DIP2C: variants seen among roughly 807,000 people sequenced by gnomAD.
DIP2C encodes disco-interacting protein 2 homolog C.
In DIP2C, 33 loss-of-function variants were observed where a neutral mutation model predicts 192.4. That is an observed-to-expected ratio of 0.17 (90% CI 0.13 to 0.23). The LOEUF is 0.23. Among genes scored for constraint, DIP2C ranks in the 10% least tolerant of loss-of-function variants. The pLI is 1.00. For missense variants in DIP2C, 1,537 were observed against 2,110.1 expected, an observed-to-expected ratio of 0.73 and a Z score of 5.32; for synonymous variants, 979 against 864.1, an observed-to-expected ratio of 1.13 and a Z score of -2.33.
chr10:652,319 G>A lies in DIP2C; in HGVS notation c.85+37175C>T, dbSNP rs1275052461. 4 of 209,198 alleles carry A rather than the reference G, an allele frequency of 1.9e-5. No homozygotes were observed. The highest frequency in any genetic ancestry group is 5.9e-5 in the South Asian group (1 of 16,974). 13.0% of individuals were successfully genotyped at this position (209,198 alleles called of 1,614,324 possible). On this transcript the variant is annotated intron_variant, in intron 1 of 36. Coordinates refer to ENST00000280886, the MANE Select transcript of DIP2C (RefSeq NM_014974.3). This position sits in a 1 kb window ranked among gnomAD's most constrained non-coding sequence, Gnocchi z 4.5. ...ATCTTCCTCGGCATCTTCCTCCATC[G>A]ACAGCAGCCTGGGCTCACCTCCCAG...
At position 369,609 on chromosome 10, in the gene DIP2C, G is replaced by A; in HGVS notation, c.2016C>T (p.Pro672=). The A allele has an allele frequency of 1.2e-6, 2 of 1,614,018 alleles. No individual in the cohort carries two copies. Among genetic ancestry groups the A allele is most frequent in the African/African-American group, 1.3e-5 (1 of 75,058 alleles). The part of the protein sequence containing the change: ...IRRPTDDSNQ[P]PGRGVLSMHG... The stretch of plus-strand genomic sequence containing the variant: ...GCATGGAGAGGACACCCCGGCCCGG[G>A]GGCTGGTTACTGTCATCCGTGGGCC... Residue 672 remains proline (P), a synonymous_variant, in exon 18 of 37, where the codon CCC becomes CCT. Transcript: ENST00000280886.
chr10:324,898 C>A (rs755803807), intron 31 of DIP2C: 3 of 529,688 alleles, frequency 5.7e-6, no homozygotes, highest in Non-Finnish European at 1.2e-5. Context: ...TTTCTTTCAT[C>A]TCCATGTTTT....
chr10:403,803 T>C (rs1280113507), intron 9 of DIP2C, among the ~76,000 whole-genome samples: 1 of 145,434 alleles, frequency 6.9e-6, no homozygotes, highest in Non-Finnish European at 1.5e-5. Context: ...CTCTTCCTTA[T>C]GGACAAGTTT....
At chr10:478,971 C>CA (rs1040637228) in intron 2 of DIP2C, among the ~76,000 whole-genome samples, 3 of 152,230 alleles carry the variant, frequency 2.0e-5, no homozygotes, top group African/African-American at 4.8e-5. Flanking sequence ...CACCCAGGGG[C>CA]AAGCGCTCTG....
At chr10:511,795 G>A (rs1846029984) in intron 1 of DIP2C, among the ~76,000 whole-genome samples, 1 of 152,218 alleles carries the variant, frequency 6.6e-6, no homozygotes, top group Non-Finnish European at 1.5e-5. Context: ...TAAAAATCCT[G>A]AAATGCAATA....
chr10:352,654 A>G (rs564853364), intron 24 of DIP2C, among the ~76,000 whole-genome samples: 17 of 152,268 alleles, frequency 1.1e-4, no homozygotes, highest in African/African-American at 3.9e-4. Flanking sequence ...TCTTGCCTGG[A>G]AAGGACGAGG....
At chr10:589,022 C>T (rs1288136680) in intron 1 of DIP2C, among the ~76,000 whole-genome samples, 3 of 152,158 alleles carry the variant, frequency 2.0e-5, no homozygotes, top group Non-Finnish European at 2.9e-5. Context: ...TTCCATCAGC[C>T]GCTCCAGCAG....
chr10:387,228 G>A (rs984205333), intron 14 of DIP2C, among the ~76,000 whole-genome samples: 4 of 152,156 alleles, frequency 2.6e-5, no homozygotes, highest in African/African-American at 4.8e-5. Flanking sequence ...GGCTGTTTTC[G>A]GCAGCTGTAA....
At chr10:326,580 C>T (rs931458173) in intron 31 of DIP2C, among the ~76,000 whole-genome samples, 5 of 152,224 alleles carry the variant, frequency 3.3e-5, no homozygotes, top group Non-Finnish European at 7.3e-5. Flanking sequence ...TGCGGCTTTG[C>T]GGTTTCTAAA....
intron 1 of DIP2C, among the ~76,000 whole-genome samples, chr10:519,462 A>G (rs1340269597): frequency 6.6e-6 from 1 of 152,186 alleles, no homozygotes; most frequent in South Asian, 2.1e-4. Flanking sequence ...GTGGTATTGG[A>G]TATGGCAATA....
At chr10:571,667 C>G (rs1187827424) in intron 1 of DIP2C, among the ~76,000 whole-genome samples, 2 of 152,182 alleles carry the variant, frequency 1.3e-5, no homozygotes, top group Admixed American at 1.3e-4. Context: ...TGAACAGAAA[C>G]GTGTTTTGGA....
At chr10:318,345 A>G (rs1232881054) in intron 31 of DIP2C, among the ~76,000 whole-genome samples, 6 of 152,164 alleles carry the variant, frequency 3.9e-5, no homozygotes, top group African/African-American at 1.4e-4. Context: ...TCAACCAGTC[A>G]CATCCATTTA....
rs567482301 is a variant in DIP2C, at chr10:523,820, T to G, written c.86-37290A>C. On this transcript the variant is annotated intron_variant, in intron 1 of 36. Transcript: ENST00000280886. ...TGGAGCGAGGATGCAGGGACTGCTC[T>G]GAGTTACCAGCACACTTGTCGCTTT... 2.0e-5 allele frequency among the ~76,000 whole-genome samples: 3 copies of G among 152,332 alleles called. No homozygotes were observed. The South Asian group carries it at 6.2e-4, about 32-fold the overall frequency.
At chr10:344,414 A>T (rs1958318224) in intron 28 of DIP2C, among the ~76,000 whole-genome samples, 1 of 151,680 alleles carries the variant, frequency 6.6e-6, no homozygotes, top group Non-Finnish European at 1.5e-5. Context: ...GGGGGTTTGC[A>T]CGGCACCTCG....
intron 31 of DIP2C, among the ~76,000 whole-genome samples, chr10:311,797 A>G (rs1296946948): frequency 6.6e-6 from 1 of 152,196 alleles, no homozygotes. Flanking sequence ...GCTAAAAGAA[A>G]TGTTTTAAAG....
chr10:607,368 T>C (rs533155287), intron 1 of DIP2C, among the ~76,000 whole-genome samples: 14 of 152,316 alleles, frequency 9.2e-5, no homozygotes, highest in Middle Eastern at 3.4e-3. Context: ...CAGAAGCCAG[T>C]GGTGCTCACG....
In DIP2C at chr10:396,321, C is replaced by T. The variant is rs74495677; in HGVS notation, c.1260+2788G>A. Among the ~76,000 whole-genome samples, 914 of 152,312 alleles carry T rather than the reference C, an allele frequency of 6.0e-3. 3 individuals carry two copies. Among genetic ancestry groups the T allele is most frequent in the Middle Eastern group, 0.014 (4 of 294 alleles). Reference sequence around the variant, plus strand: ...GATGGCATTTCTGCCAACCTGAGAGCAGCACTCCAACATGCTCAGGAAAAC... The same window carrying T: ...GATGGCATTTCTGCCAACCTGAGAGTAGCACTCCAACATGCTCAGGAAAAC... On this transcript the variant is annotated intron_variant, in intron 10 of 36. Transcript: ENST00000280886.
At chr10:406,051 C>T (rs982372920) in intron 9 of DIP2C, among the ~76,000 whole-genome samples, 4 of 152,186 alleles carry the variant, frequency 2.6e-5, no homozygotes, top group East Asian at 1.9e-4. Flanking sequence ...TTCATCAAAC[C>T]GTGCTCCCGT....
At chr10:288,621 A>G (rs1167774713) in intron 32 of DIP2C, among the ~76,000 whole-genome samples, 200 bp from the exon 33 acceptor site, 1 of 152,260 alleles carries the variant, frequency 6.6e-6, no homozygotes, top group African/African-American at 2.4e-5. Flanking sequence ...CAGAGAAGGC[A>G]GATGAAGCCG....
Sources: gnomAD v4.1 joint callset for allele counts (sites outside exome capture counted in the v4.1 genomes callset) on GRCh38, gnomAD v4.1.1 for gene constraint, Gnocchi (gnomAD v3.1) non-coding constraint, MANE v1.5 for transcripts, NCBI Gene and HGNC (gene_info 2026-07-23, HGNC 2026-07-21) for gene names.